GNPTAB: variants seen among roughly 807,000 people sequenced by gnomAD.
GNPTAB encodes the protein N-acetylglucosamine-1-phosphate transferase subunits alpha and beta, also known as N-acetylglucosamine-1-phosphotransferase subunits alpha/beta.
GNPTAB carries 92 observed loss-of-function variants against 136.6 expected under a neutral mutation model. The ratio of observed to expected loss-of-function variants is 0.67; its 90% CI spans 0.57 to 0.80. The LOEUF (loss-of-function observed/expected upper bound fraction) is 0.80. Among genes scored for constraint, GNPTAB ranks in the 30% least tolerant of loss-of-function variants. The probability of loss-of-function intolerance (pLI) is 0.00; values close to 1 mark genes in which losing one functional copy is unlikely to be tolerated. For missense variants in GNPTAB, 1,343 were observed against 1,501.8 expected (o/e 0.89, Z 1.75); for synonymous variants, 512 against 535.1 (o/e 0.96, Z 0.60).
chr12:101,790,120 A>C (rs1448319179), intron 2 of GNPTAB, 63 bp from the exon 3 acceptor site: 1 of 1,610,208 alleles, frequency 6.2e-7, no homozygotes, highest in Non-Finnish European at 8.5e-7. Flanking sequence ...GGTAATAAGA[A>C]TATCACAGGG....
At position 101,747,047 on chromosome 12, in the gene GNPTAB, A is replaced by G. The variant is rs1396859990; in HGVS notation, c.*117T>C. 1.2e-5 allele frequency: 9 copies of G among 721,850 alleles called. No individual in the cohort carries two copies. The highest frequency in any genetic ancestry group is 1.5e-5 in the Non-Finnish European group (6 of 391,586). 44.7% of individuals were successfully genotyped at this position (721,850 alleles called of 1,614,324 possible). A position where few individuals can be genotyped will look rare whatever the true frequency, so the allele number is the denominator to read the frequency against. ...ATGCCACAAAACAGCATGGTACTGG[A>G]TATTTTCCTTCTTCGGGCCAAACTG... On this transcript the variant is annotated 3_prime_UTR_variant, in exon 21 of 21. Coordinates refer to ENST00000299314, the MANE Select transcript of GNPTAB (RefSeq NM_024312.5).
At chr12:101,760,288 G>A in intron 15 of GNPTAB, 145 bp from the exon 16 acceptor site, 1 of 650,036 alleles carries the variant, frequency 1.5e-6, no homozygotes, top group Non-Finnish European at 2.7e-6. Context: ...TTAAGATAAA[G>A]GCACTCTAAG....
chr12:101,807,831 G>A (rs1195908884), intron 1 of GNPTAB, among the ~76,000 whole-genome samples: 1 of 152,166 alleles, frequency 6.6e-6, no homozygotes, highest in Admixed American at 6.5e-5. Flanking sequence ...TCAGTGGACT[G>A]AGGCACAATA....
intron 19 of GNPTAB, among the ~76,000 whole-genome samples, chr12:101,751,609 G>A (rs1485961538): frequency 6.6e-6 from 1 of 152,240 alleles, no homozygotes; most frequent in Non-Finnish European, 1.5e-5. Context: ...AGGACTGGGA[G>A]TCAGGCTGGA....
At chr12:101,798,787 A>C (rs1869445157) in intron 1 of GNPTAB, among the ~76,000 whole-genome samples, 1 of 152,222 alleles carries the variant, frequency 6.6e-6, no homozygotes, top group South Asian at 2.1e-4. Flanking sequence ...TCTCTCTAGT[A>C]AACTGCATGT....
chr12:101,764,969 C>T lies in GNPTAB; in HGVS notation c.1948G>A (p.Glu650Lys), dbSNP rs779572693. The change falls in exon 13 of 21, where the codon GAA becomes AAA. Residue 650 changes from glutamate to lysine, a missense_variant. Physicochemically the swap from Glu to Lys is moderately conservative, Grantham distance 56. Coordinates refer to ENST00000299314, the MANE Select transcript of GNPTAB (RefSeq NM_024312.5). ...AGTGTTATGGGACTAACTAAATTTT[C>T]GTAACCCTTCTGGGCTGTAGAATTC... ...KLNSTAQKGY[E>K]NLVSPITLLP... 13 of 1,613,946 alleles carry T rather than the reference C, an allele frequency of 8.1e-6. No individual in the cohort carries two copies. In the South Asian group the frequency reaches 9.9e-5, roughly 12 times the overall value.
intron 1 of GNPTAB, among the ~76,000 whole-genome samples, chr12:101,802,628 G>C (rs1869712432): frequency 6.6e-6 from 1 of 152,144 alleles, no homozygotes; most frequent in Non-Finnish European, 1.5e-5. Flanking sequence ...CCTTAGACTG[G>C]AAAAACCTCC....
At position 101,780,156 on chromosome 12, in the gene GNPTAB, T is replaced by C; in HGVS notation, c.767A>G (p.Lys256Arg). 1 of 1,613,294 alleles carries C rather than the reference T, an allele frequency of 6.2e-7. No homozygotes were observed. The highest frequency in any genetic ancestry group is 1.1e-5 in the South Asian group (1 of 91,074). ...CTCTATTTTCTATGTTCTTACCAGT[T>C]TGACTTTAGAGGAAAGATTTTCTGG... The part of the protein sequence containing the change: ...KLPENLSSKV[K>R]LLQLYSEASV... The change falls in exon 7 of 21, where the codon AAA becomes AGA. Residue 256 changes from lysine to arginine, a missense_variant. Transcript: ENST00000299314.
chr12:101,790,092 C>A (rs760248227), intron 2 of GNPTAB, 35 bp from the exon 3 acceptor site: 1 of 1,613,680 alleles, frequency 6.2e-7, no homozygotes, highest in Non-Finnish European at 8.5e-7. Flanking sequence ...AGCTTAAATG[C>A]ATTTTTCCAA....
At chr12:101,766,026 A>C in intron 12 of GNPTAB, 65 bp downstream of exon 12, 1 of 1,374,650 alleles carries the variant, frequency 7.3e-7, no homozygotes, top group Non-Finnish European at 1.0e-6. Flanking sequence ...AAGCCATTCA[A>C]AACTCTCTCT....
chr12:101,803,469 A>G (rs1370442295), intron 1 of GNPTAB, among the ~76,000 whole-genome samples: 1 of 152,234 alleles, frequency 6.6e-6, no homozygotes, highest in African/African-American at 2.4e-5. Context: ...ACTTTAAAAA[A>G]TTAGGAGTTC....
chr12:101,824,432 A>ATATATATATAT (rs1188582277), intron 1 of GNPTAB, among the ~76,000 whole-genome samples: 16 of 50,824 alleles, frequency 3.1e-4, no homozygotes, highest in South Asian at 6.7e-4. Flanking sequence ...ATATATATAT[A>ATATATATATAT]TTTTCTTTTT....
chr12:101,764,151 A>G, intron 13 of GNPTAB, 51 bp downstream of exon 13: 1 of 1,612,064 alleles, frequency 6.2e-7, no homozygotes, highest in Non-Finnish European at 8.5e-7. Flanking sequence ...TTATCATGAG[A>G]TTATTTACTC....
intron 18 of GNPTAB, among the ~76,000 whole-genome samples, chr12:101,756,063 GA>G (rs1393204529): frequency 6.6e-6 from 1 of 152,096 alleles, no homozygotes; most frequent in African/African-American, 2.4e-5. Context: ...GTTATTTTAA[GA>G]AATTAAACAG....
At chr12:101,807,501 G>A (rs890824488) in intron 1 of GNPTAB, among the ~76,000 whole-genome samples, 1 of 149,060 alleles carries the variant, frequency 6.7e-6, no homozygotes, top group African/African-American at 2.5e-5. Flanking sequence ...AAACTATCTT[G>A]GTTTGAATAG....
intron 1 of GNPTAB, 55 bp downstream of exon 1, chr12:101,830,504 G>T: frequency 2.1e-6 from 2 of 936,584 alleles, no homozygotes; most frequent in Non-Finnish European, 3.5e-6. Context: ...GCGGGGCACG[G>T]CGAGGGCAGT....
chr12:101,775,973 T>C (rs938005198), intron 7 of GNPTAB, among the ~76,000 whole-genome samples: 5 of 152,144 alleles, frequency 3.3e-5, no homozygotes, highest in Admixed American at 1.3e-4. Flanking sequence ...GTGCAGCCTC[T>C]TTCTCTTTGA....
chr12:101,773,415 G>A (rs1240464242), intron 7 of GNPTAB: 2 of 257,932 alleles, frequency 7.8e-6, no homozygotes, highest in Non-Finnish European at 1.6e-5. Flanking sequence ...ACTTTGCGAA[G>A]GTCCAGGGTC....
intron 1 of GNPTAB, among the ~76,000 whole-genome samples, chr12:101,811,216 T>C (rs956277241): frequency 1.3e-5 from 2 of 152,124 alleles, no homozygotes; most frequent in African/African-American, 4.8e-5. Context: ...AAAGACGAAA[T>C]AGTAACATCT....
Sources: gnomAD v4.1 joint callset for allele counts (sites outside exome capture counted in the v4.1 genomes callset) on GRCh38, gnomAD v4.1.1 for gene constraint, MANE v1.5 for transcripts, NCBI Gene and HGNC (gene_info 2026-07-23, HGNC 2026-07-21) for gene names.